MRPL48: variants seen among roughly 807,000 people sequenced by gnomAD.
The protein encoded by MRPL48 is mitochondrial ribosomal protein L48, also known as large ribosomal subunit protein mL48.
In MRPL48, 16 loss-of-function variants were observed where a neutral mutation model predicts 32.9. That is an observed-to-expected ratio of 0.49 (90% CI 0.33 to 0.74). The LOEUF is 0.74. Among genes scored for constraint, MRPL48 ranks in the 30% least tolerant of loss-of-function variants. The pLI is 0.02. For missense variants in MRPL48, 206 were observed against 245.3 expected, an observed-to-expected ratio of 0.84 and a Z score of 1.07; for synonymous variants, 94 against 89.2, an observed-to-expected ratio of 1.05 and a Z score of -0.31.
In MRPL48 at chr11:73,847,685, C is replaced by G. The variant is rs141657991; in HGVS notation, c.371+2709C>G. ...GGTCTCAATCTCCTGACCTCGTGAT[C>G]TGCCCGCTTCGGCCTCCCAAAGTGC... On this transcript the variant is annotated intron_variant, in intron 5 of 7. Coordinates refer to ENST00000310614, the MANE Select transcript of MRPL48 (RefSeq NM_016055.6). 6.5e-3 allele frequency among the ~76,000 whole-genome samples: 988 copies of G among 152,274 alleles called. 15 individuals carry two copies. Among genetic ancestry groups the G allele is most frequent in the African/African-American group, 0.023 (941 of 41,568 alleles).
intron 2 of MRPL48, among the ~76,000 whole-genome samples, chr11:73,807,873 A>G (rs2444600): frequency 0.041 from 6,185 of 152,224 alleles, 422 homozygotes; most frequent in African/African-American, 0.14. Flanking sequence ...TCTTGACCTC[A>G]GGTCATCTGC....
chr11:73,859,597 A>G (rs1218844271), intron 5 of MRPL48, among the ~76,000 whole-genome samples: 2 of 152,124 alleles, frequency 1.3e-5, no homozygotes, highest in Non-Finnish European at 2.9e-5. Flanking sequence ...TTCTTTTAGA[A>G]TGGGCCATTC....
At chr11:73,857,755 C>T (rs1455402855) in intron 5 of MRPL48, among the ~76,000 whole-genome samples, 1 of 151,856 alleles carries the variant, frequency 6.6e-6, no homozygotes, top group Non-Finnish European at 1.5e-5. Context: ...CCACCACACC[C>T]AGCTAATTTT....
At chr11:73,863,304 G>T in intron 7 of MRPL48, 43 bp downstream of exon 7, 1 of 1,464,784 alleles carries the variant, frequency 6.8e-7, no homozygotes, top group Non-Finnish European at 9.3e-7. Flanking sequence ...GCCTGCATAT[G>T]CTCAAAATAA....
chr11:73,826,967 G>T (rs1407684629), intron 4 of MRPL48, among the ~76,000 whole-genome samples: 1 of 150,816 alleles, frequency 6.6e-6, no homozygotes, highest in Non-Finnish European at 1.5e-5. Context: ...GTAGAGACGG[G>T]ATTTCTCCAT....
chr11:73,821,132 T>C (rs749764044), intron 3 of MRPL48, among the ~76,000 whole-genome samples: 5 of 152,090 alleles, frequency 3.3e-5, no homozygotes, highest in Non-Finnish European at 5.9e-5. Flanking sequence ...GCTAGGGCTA[T>C]AGGCACATGC....
At chr11:73,790,374 CTTTTTTT>C (rs759628609) in intron 1 of MRPL48, among the ~76,000 whole-genome samples, 2 of 58,020 alleles carry the variant, frequency 3.4e-5, no homozygotes, top group South Asian at 6.6e-4. Context: ...CGCACCCGGC[CTTTTTTT>C]TTTTTTTTTT....
chr11:73,853,713 T>C (rs1257093485), intron 5 of MRPL48, among the ~76,000 whole-genome samples: 1 of 119,964 alleles, frequency 8.3e-6, no homozygotes, highest in Non-Finnish European at 1.6e-5. Context: ...TTTTTTGAGA[T>C]GGAGTCTCGC....
chr11:73,792,077 A>G (rs1947163369), intron 1 of MRPL48, among the ~76,000 whole-genome samples: 1 of 152,172 alleles, frequency 6.6e-6, no homozygotes, highest in Non-Finnish European at 1.5e-5. Flanking sequence ...ATTTTAGATG[A>G]GTGAGAAGCC....
intron 4 of MRPL48, among the ~76,000 whole-genome samples, chr11:73,827,697 CTT>C (rs2135016457): frequency 6.6e-6 from 1 of 152,304 alleles, no homozygotes; most frequent in South Asian, 2.1e-4. Flanking sequence ...TTACCTCTCT[CTT>C]CTTGGCAAGG....
chr11:73,802,053 A>G (rs903668296), intron 1 of MRPL48: 1 of 152,152 alleles, frequency 6.6e-6, no homozygotes, highest in Non-Finnish European at 1.5e-5. Flanking sequence ...AACTCTTTAT[A>G]TATCCTTGCT....
At chr11:73,858,731 A>T (rs1036231101) in intron 5 of MRPL48, among the ~76,000 whole-genome samples, 1 of 152,314 alleles carries the variant, frequency 6.6e-6, no homozygotes, top group Admixed American at 6.5e-5. Flanking sequence ...CACTACTACC[A>T]TATTTCCATG....
chr11:73,793,622 G>A (rs934780432), intron 1 of MRPL48, among the ~76,000 whole-genome samples: 1 of 152,136 alleles, frequency 6.6e-6, no homozygotes, highest in Non-Finnish European at 1.5e-5. Context: ...CACACTTGGA[G>A]TTCCAGAGGA....
At chr11:73,800,064 G>A (rs572194974) in intron 1 of MRPL48, among the ~76,000 whole-genome samples, 1 of 151,862 alleles carries the variant, frequency 6.6e-6, no homozygotes, top group African/African-American at 2.4e-5. Flanking sequence ...GTAAAATAGA[G>A]CCAGTTATCT....
chr11:73,857,996 A>G (rs1037717714), intron 5 of MRPL48, among the ~76,000 whole-genome samples: 3 of 152,246 alleles, frequency 2.0e-5, no homozygotes, highest in Non-Finnish European at 4.4e-5. Context: ...AGTAAGTGTT[A>G]AAGAATAAAA....
At chr11:73,855,831 A>G (rs1046740012) in intron 5 of MRPL48, among the ~76,000 whole-genome samples, 4 of 152,170 alleles carry the variant, frequency 2.6e-5, no homozygotes, top group African/African-American at 9.7e-5. Context: ...GTCATCTTGA[A>G]TGTTACTTCT....
At chr11:73,840,775 C>T (rs1222209340) in intron 4 of MRPL48, among the ~76,000 whole-genome samples, 1 of 152,020 alleles carries the variant, frequency 6.6e-6, no homozygotes, top group Admixed American at 6.6e-5. Context: ...GTTGGGATTA[C>T]AGGCATGAGC....
chr11:73,825,684 T>C lies in MRPL48; in HGVS notation c.113-24T>C, dbSNP rs770218388. 2.0e-6 allele frequency: 3 copies of C among 1,537,720 alleles called. No individual in the cohort carries two copies. In the South Asian group the frequency reaches 3.6e-5, roughly 18 times the overall value. On this transcript the variant is annotated intron_variant, in intron 3 of 7. Transcript: ENST00000310614. ...ATAATAGCAACAACAAAAAAACAGG[T>C]TTGTCTTATTTTCTCTCTTTTAGGT...
chr11:73,800,581 G>A lies in MRPL48; in HGVS notation c.22-4446G>A, dbSNP rs79351734. Reference sequence around the variant, plus strand: ...CATCTGTGTCCTCATTCATTCATTCGCTGGCGTCACCATCCTCCTCTTCCA... The same window carrying A: ...CATCTGTGTCCTCATTCATTCATTCACTGGCGTCACCATCCTCCTCTTCCA... On this transcript the variant is annotated intron_variant, in intron 1 of 7. Coordinates refer to ENST00000310614, the MANE Select transcript of MRPL48 (RefSeq NM_016055.6). Among the ~76,000 whole-genome samples, 1,114 of 152,070 alleles carry A rather than the reference G, an allele frequency of 7.3e-3. 16 individuals are homozygous for A. The highest frequency in any genetic ancestry group is 0.025 in the African/African-American group (1,042 of 41,474).
Sources: gnomAD v4.1 joint callset for allele counts (sites outside exome capture counted in the v4.1 genomes callset) on GRCh38, gnomAD v4.1.1 for gene constraint, MANE v1.5 for transcripts, NCBI Gene and HGNC (gene_info 2026-07-23, HGNC 2026-07-21) for gene names.